Variants in FAM185A observed in about 807,000 individuals in gnomAD.
FAM185A encodes the protein protein FAM185A.
A neutral mutation model predicts 45.7 loss-of-function variants in FAM185A; 21 were observed. The observed-to-expected ratio is 0.46, with a 90% CI of 0.33 to 0.66. The LOEUF (loss-of-function observed/expected upper bound fraction) is 0.66, where lower values mean the gene tolerates loss of function less well. Ranked by LOEUF, FAM185A falls within the 30% of genes least tolerant of loss-of-function variation. The pLI, the probability that FAM185A is intolerant of heterozygous loss-of-function variation, is 0.03. For missense variants in FAM185A, 305 were observed against 485.4 expected (o/e 0.63, Z 3.49); for synonymous variants, 117 against 194.0 (o/e 0.60, Z 3.30).
chr7:102,771,938 T>A (rs1472603283), intron 4 of FAM185A, among the ~76,000 whole-genome samples: 6 of 151,718 alleles, frequency 4.0e-5, no homozygotes, highest in Non-Finnish European at 7.4e-5. Context: ...CTTTAATTCT[T>A]GGCCCAGAAA....
the FAM185A span, among the ~76,000 whole-genome samples, chr7:102,837,737 C>G: frequency 6.6e-6 from 1 of 152,148 alleles, no homozygotes; most frequent in African/African-American, 2.4e-5. Context: ...GAGACAGGGT[C>G]TCACTATGTT....
chr7:102,811,677 A>G (rs1331025054), downstream of FAM185A, among the ~76,000 whole-genome samples: 1 of 152,144 alleles, frequency 6.6e-6, no homozygotes, highest in African/African-American at 2.4e-5. Flanking sequence ...TATAAGTTCC[A>G]CCAGTTGTGT....
At chr7:102,800,652 C>T (rs566189095) in intron 7 of FAM185A, among the ~76,000 whole-genome samples, 2 of 151,900 alleles carry the variant, frequency 1.3e-5, no homozygotes, top group Non-Finnish European at 2.9e-5. Context: ...AATAAGAGCT[C>T]GAAGACAAGG....
chr7:102,849,756 C>A, the FAM185A span, among the ~76,000 whole-genome samples: 1 of 152,056 alleles, frequency 6.6e-6, no homozygotes, highest in African/African-American at 2.4e-5. Context: ...GGAAAGATTA[C>A]CACATGCCCA....
chr7:102,787,872 C>T (rs1795909238), intron 7 of FAM185A, among the ~76,000 whole-genome samples: 1 of 152,208 alleles, frequency 6.6e-6, no homozygotes, highest in South Asian at 2.1e-4. Flanking sequence ...ACAACAAATT[C>T]TCAGTCCCAC....
intron 4 of FAM185A, among the ~76,000 whole-genome samples, chr7:102,767,130 A>G (rs58235065): frequency 0.022 from 2,098 of 95,376 alleles, 47 homozygotes; most frequent in African/African-American, 0.072. Flanking sequence ...GAAAAGAATT[A>G]CAGCTTTTTT....
chr7:102,809,374 A>C (rs1281984295), downstream of FAM185A: 1 of 152,178 alleles, frequency 6.6e-6, no homozygotes, highest in Non-Finnish European at 1.5e-5. Flanking sequence ...ATTTCTTTCA[A>C]ACATCTCTAT....
intron 7 of FAM185A, among the ~76,000 whole-genome samples, chr7:102,805,525 G>T (rs529282359): frequency 6.6e-6 from 1 of 151,832 alleles, no homozygotes; most frequent in African/African-American, 2.4e-5. Context: ...CTTTGGGGAC[G>T]TGGGGGAAAG....
intron 7 of FAM185A, among the ~76,000 whole-genome samples, chr7:102,802,398 C>T (rs1031826492): frequency 6.6e-6 from 1 of 152,168 alleles, no homozygotes; most frequent in African/African-American, 2.4e-5. Context: ...ACCTTCAAAA[C>T]CATGCAAATA....
rs182464213 is a variant in FAM185A at position 102,773,580 on chromosome 7, G to A, written c.835+1130G>A. Among the ~76,000 whole-genome samples, 1,084 of 152,142 alleles carry A rather than the reference G, an allele frequency of 7.1e-3. 9 individuals carry two copies. Among genetic ancestry groups the A allele is most frequent in the African/African-American group, 0.025 (1,022 of 41,526 alleles). The stretch of plus-strand genomic sequence containing the variant: ...TCCTCTTGGGTAAATACGTAGGTAT[G>A]GCATTGCTGAGTTGACTAGGTAGGT... On this transcript the variant is annotated intron_variant, in intron 5 of 7. Transcript: ENST00000413034.
At chr7:102,807,887 C>T (rs2129444165) in intron 7 of FAM185A, among the ~76,000 whole-genome samples, 1 of 152,232 alleles carries the variant, frequency 6.6e-6, no homozygotes, top group Admixed American at 6.5e-5. Context: ...GGTGAAACCC[C>T]ATCTCTACCA....
chr7:102,762,493 G>A, intron 4 of FAM185A, among the ~76,000 whole-genome samples: 1 of 152,042 alleles, frequency 6.6e-6, no homozygotes, highest in Middle Eastern at 3.2e-3. Context: ...AGGAAGTACA[G>A]ATTCGGACTT....
At chr7:102,749,681 G>T in intron 1 of FAM185A, 23 bp downstream of exon 1, 1 of 1,483,062 alleles carries the variant, frequency 6.7e-7, no homozygotes, top group South Asian at 1.4e-5. Flanking sequence ...AAGTGAAAAC[G>T]GGTTTGGGTC....
chr7:102,790,956 C>G (rs2129442352), intron 7 of FAM185A, among the ~76,000 whole-genome samples: 1 of 152,084 alleles, frequency 6.6e-6, no homozygotes, highest in East Asian at 1.9e-4. Context: ...GAGGAGCTTA[C>G]ATTCTAGTGA....
chr7:102,770,698 A>G (rs1010865820), intron 4 of FAM185A, among the ~76,000 whole-genome samples: 1 of 152,186 alleles, frequency 6.6e-6, no homozygotes, highest in East Asian at 1.9e-4. Flanking sequence ...AAAAATAAGT[A>G]AAAAAACAAC....
the FAM185A span, among the ~76,000 whole-genome samples, chr7:102,835,899 G>A: frequency 3.3e-5 from 5 of 152,122 alleles, no homozygotes; most frequent in Admixed American, 1.3e-4. Context: ...GTGAGCCACC[G>A]CGCCCGGCCC....
chr7:102,771,526 G>A (rs1794741493), intron 4 of FAM185A, among the ~76,000 whole-genome samples: 1 of 151,976 alleles, frequency 6.6e-6, no homozygotes, highest in Non-Finnish European at 1.5e-5. Context: ...TGAATCCAGT[G>A]CCTTTTTTTG....
At chr7:102,796,726 G>C (rs1244315382) in intron 7 of FAM185A, among the ~76,000 whole-genome samples, 5 of 152,160 alleles carry the variant, frequency 3.3e-5, no homozygotes, top group Non-Finnish European at 7.3e-5. Flanking sequence ...TTATAATGAA[G>C]AGAATAATTG....
chr7:102,793,127 A>G (rs1796233342), intron 7 of FAM185A, among the ~76,000 whole-genome samples: 1 of 152,232 alleles, frequency 6.6e-6, no homozygotes, highest in Non-Finnish European at 1.5e-5. Flanking sequence ...TAAGGCTTAT[A>G]GGTATCTGCT....
Sources: allele counts gnomAD v4.1 joint callset (sites outside exome capture counted in the v4.1 genomes callset), GRCh38; gene constraint gnomAD v4.1.1; transcripts MANE v1.5; gene names NCBI Gene and HGNC (gene_info 2026-07-23, HGNC 2026-07-21).